Variants in MAML2 observed in about 807,000 individuals in gnomAD.
MAML2 encodes the protein mastermind like transcriptional coactivator 2.
Under a neutral mutation model 96.1 loss-of-function variants are expected in MAML2, and 22 were observed. The observed-to-expected ratio is 0.23, with a 90% CI of 0.16 to 0.33. The LOEUF (loss-of-function observed/expected upper bound fraction) is 0.33, where lower values mean the gene tolerates loss of function less well. MAML2 is among the 10% of genes least tolerant of loss of function. MAML2 has a pLI of 1.00. For synonymous variants in MAML2, 561 were observed against 521.3 expected, an observed-to-expected ratio of 1.08 and a Z score of -1.04; for missense variants, 1,367 against 1,392.4, an observed-to-expected ratio of 0.98 and a Z score of 0.29.
At chr11:96,071,812 A>T (rs1470742751) in intron 2 of MAML2, among the ~76,000 whole-genome samples, 3 of 152,240 alleles carry the variant, frequency 2.0e-5, no homozygotes, top group African/African-American at 7.2e-5. Context: ...TCCTGCATAT[A>T]CCTAACATAG....
intron 1 of MAML2, among the ~76,000 whole-genome samples, chr11:96,181,064 C>A (rs909956067): frequency 6.6e-6 from 1 of 152,076 alleles, no homozygotes; most frequent in Non-Finnish European, 1.5e-5. Flanking sequence ...CAAGGACCGG[C>A]CATTTACACT....
rs146698783 is a variant in MAML2, at chr11:96,091,674, G to A, written c.2139+218C>T. 2.5e-3 allele frequency among the ~76,000 whole-genome samples: 379 copies of A among 152,240 alleles called. 3 individuals are homozygous for A. Among genetic ancestry groups the A allele is most frequent in the African/African-American group, 8.6e-3 (358 of 41,532 alleles). ...TAAGCAAGAACCTTTGATCATTACAGATCACAATGATACTAATGCTCTACA... is the reference window on the plus strand; with the variant it reads ...TAAGCAAGAACCTTTGATCATTACAAATCACAATGATACTAATGCTCTACA... On this transcript the variant is annotated intron_variant, in intron 2 of 4. Coordinates refer to ENST00000524717, the MANE Select transcript of MAML2 (RefSeq NM_032427.4).
intron 2 of MAML2, among the ~76,000 whole-genome samples, chr11:96,085,068 G>T (rs77327165): frequency 0.014 from 2,100 of 152,282 alleles, 50 homozygotes; most frequent in African/African-American, 0.047. Flanking sequence ...ATTGCTTGGA[G>T]AATTAGGCAC....
chr11:96,102,665 A>G (rs80213565), intron 1 of MAML2, among the ~76,000 whole-genome samples: 3,035 of 152,300 alleles, frequency 0.02, 103 homozygotes, highest in African/African-American at 0.068. Context: ...ACATTAAACA[A>G]TATCATTCTA....
At chr11:96,280,525 T>C (rs1436987887) in intron 1 of MAML2, among the ~76,000 whole-genome samples, 3 of 152,200 alleles carry the variant, frequency 2.0e-5, no homozygotes, top group Non-Finnish European at 4.4e-5. Context: ...TTTCCTGAGG[T>C]CAGGGATGAT....
chr11:96,262,602 G>A (rs1391316201), intron 1 of MAML2, among the ~76,000 whole-genome samples: 4 of 151,952 alleles, frequency 2.6e-5, no homozygotes. Context: ...CGAGTAGCTG[G>A]GACTACAGGC....
intron 1 of MAML2, among the ~76,000 whole-genome samples, chr11:96,296,090 T>TGA (rs1863295596): frequency 6.6e-6 from 1 of 152,186 alleles, no homozygotes; most frequent in South Asian, 2.1e-4. Context: ...TTTTTAGAGA[T>TGA]GAGGCCTTGC....
At chr11:96,016,254 C>T (rs1047623826) in intron 2 of MAML2, among the ~76,000 whole-genome samples, 5 of 70,552 alleles carry the variant, frequency 7.1e-5, no homozygotes, top group Non-Finnish European at 1.3e-4. Flanking sequence ...ACACTGCCTA[C>T]GTGTACATGG....
chr11:96,063,124 C>T (rs1859193707), intron 2 of MAML2, among the ~76,000 whole-genome samples: 1 of 152,156 alleles, frequency 6.6e-6, no homozygotes, highest in South Asian at 2.1e-4. Flanking sequence ...TACATTCCTG[C>T]TGTCTCACTT....
chr11:96,275,017 T>A (rs1862967745), intron 1 of MAML2, among the ~76,000 whole-genome samples: 1 of 152,172 alleles, frequency 6.6e-6, no homozygotes, highest in South Asian at 2.1e-4. Context: ...TCCATGTTAA[T>A]GTATATGTAT....
chr11:96,288,139 A>T (rs1863164095), intron 1 of MAML2, among the ~76,000 whole-genome samples: 1 of 152,246 alleles, frequency 6.6e-6, no homozygotes, highest in Non-Finnish European at 1.5e-5. Flanking sequence ...GAAATAGTTG[A>T]TGCAAAAAGA....
At chr11:96,340,600 G>T (rs1863979413) in intron 1 of MAML2, among the ~76,000 whole-genome samples, 1 of 152,214 alleles carries the variant, frequency 6.6e-6, no homozygotes, top group African/African-American at 2.4e-5. Flanking sequence ...CTATCACCAG[G>T]AGTGGCTGAA....
chr11:96,057,191 T>C (rs1859083626), intron 2 of MAML2, among the ~76,000 whole-genome samples: 1 of 152,174 alleles, frequency 6.6e-6, no homozygotes, highest in Non-Finnish European at 1.5e-5. Context: ...GATGCCAGGA[T>C]CTCACTACTG....
intron 1 of MAML2, among the ~76,000 whole-genome samples, chr11:96,097,422 A>T (rs1342511825): frequency 6.6e-6 from 1 of 152,126 alleles, no homozygotes; most frequent in Non-Finnish European, 1.5e-5. Flanking sequence ...GGAAGAAAAG[A>T]GAAGGGAGAA....
At chr11:96,194,478 G>C (rs1429923175) in intron 1 of MAML2, among the ~76,000 whole-genome samples, 1 of 152,130 alleles carries the variant, frequency 6.6e-6, no homozygotes, top group Non-Finnish European at 1.5e-5. Flanking sequence ...TTTTGTCTGA[G>C]CAAAAAACAA....
chr11:96,255,737 C>T (rs866043896), intron 1 of MAML2, among the ~76,000 whole-genome samples: 3 of 152,036 alleles, frequency 2.0e-5, no homozygotes, highest in Admixed American at 6.5e-5. Context: ...CCACAGGCTA[C>T]GAATGCAGAG....
intron 1 of MAML2, among the ~76,000 whole-genome samples, chr11:96,249,880 G>A (rs879910664): frequency 2.0e-5 from 3 of 152,148 alleles, no homozygotes; most frequent in Non-Finnish European, 4.4e-5. Flanking sequence ...TTTGCTGCCT[G>A]TCTTACTTAG....
chr11:96,069,799 C>T (rs367847444), intron 2 of MAML2, among the ~76,000 whole-genome samples: 17 of 152,032 alleles, frequency 1.1e-4, no homozygotes, highest in East Asian at 1.9e-4. Context: ...CCGAGGCGGG[C>T]GGATCACAAG....
intron 1 of MAML2, among the ~76,000 whole-genome samples, chr11:96,320,114 T>C (rs1478503323): frequency 6.6e-6 from 1 of 152,190 alleles, no homozygotes; most frequent in Admixed American, 6.5e-5. Context: ...CAAAGATACT[T>C]TTCCCACCAA....
Sources: gnomAD v4.1 joint callset for allele counts (sites outside exome capture counted in the v4.1 genomes callset) on GRCh38, gnomAD v4.1.1 for gene constraint, MANE v1.5 for transcripts, NCBI Gene and HGNC (gene_info 2026-07-23, HGNC 2026-07-21) for gene names.